Variants in MANBA observed in about 807,000 individuals in gnomAD.
MANBA encodes beta-mannosidase.
A neutral mutation model predicts 111.1 loss-of-function variants in MANBA; 83 were observed. That is an observed-to-expected ratio of 0.75 (90% CI 0.63 to 0.90). The LOEUF (loss-of-function observed/expected upper bound fraction) is 0.90, where lower values mean the gene tolerates loss of function less well. MANBA is among the 40% of genes least tolerant of loss of function. The pLI is 0.00. For missense variants in MANBA, 1,036 were observed against 1,069.0 expected (o/e 0.97, Z 0.43); for synonymous variants, 370 against 378.7 (o/e 0.98, Z 0.27).
chr4:102,666,652 G>A (rs1360033076), intron 10 of MANBA: 1 of 151,924 alleles, frequency 6.6e-6, no homozygotes, highest in Non-Finnish European at 1.5e-5. Context: ...GCTGGCCGGA[G>A]TCCCGCATTA....
chr4:102,703,650 A>G (rs905801372), intron 5 of MANBA, among the ~76,000 whole-genome samples: 3 of 152,200 alleles, frequency 2.0e-5, no homozygotes, highest in African/African-American at 7.2e-5. Flanking sequence ...GACACCACCC[A>G]GACTGGTAAT....
intron 1 of MANBA, chr4:102,730,112 GA>G: frequency 2.6e-6 from 3 of 1,167,140 alleles, no homozygotes; most frequent in Non-Finnish European, 3.6e-6. Context: ...AGTGGCTGCT[GA>G]AGGCCCGGGG....
At chr4:102,738,166 C>T (rs1001861705) in intron 1 of MANBA, among the ~76,000 whole-genome samples, 10 of 152,242 alleles carry the variant, frequency 6.6e-5, no homozygotes, top group Non-Finnish European at 1.5e-5. Flanking sequence ...AAGAACAACC[C>T]TGCTCTAAAG....
At chr4:102,678,564 G>A (rs1003645717) in intron 7 of MANBA, among the ~76,000 whole-genome samples, 10 of 151,858 alleles carry the variant, frequency 6.6e-5, no homozygotes, top group Non-Finnish European at 1.2e-4. Flanking sequence ...GTAGGAAAAA[G>A]GTATAAATAC....
chr4:102,755,151 C>T (rs1723961541), intron 1 of MANBA, among the ~76,000 whole-genome samples: 1 of 152,216 alleles, frequency 6.6e-6, no homozygotes, highest in East Asian at 1.9e-4. Flanking sequence ...CAAAAAAAGC[C>T]CACATTGCCA....
chr4:102,697,810 A>G lies in MANBA; in HGVS notation c.674-7039T>C, dbSNP rs541027886. ...CTTTGCTATTGTGAATAGTGCCACA[A>G]TAAACATACCTGTGCATGTGTCTTT... On this transcript the variant is annotated intron_variant, in intron 5 of 16. Coordinates refer to ENST00000647097, the MANE Select transcript of MANBA (RefSeq NM_005908.4). Among the ~76,000 whole-genome samples the G allele has an allele frequency of 7.9e-4, 121 of 152,212 alleles. 1 individual carries two copies. The highest frequency in any genetic ancestry group is 2.8e-3 in the African/African-American group (118 of 41,500).
chr4:102,679,969 A>G (rs1731889350), intron 7 of MANBA, among the ~76,000 whole-genome samples: 2 of 152,186 alleles, frequency 1.3e-5, no homozygotes, highest in South Asian at 4.1e-4. Context: ...TCTTCTGTAA[A>G]ATCAGAGAAA....
intron 10 of MANBA, chr4:102,667,506 T>G (rs1731279069): frequency 6.6e-6 from 1 of 152,148 alleles, no homozygotes; most frequent in African/African-American, 2.4e-5. Flanking sequence ...AGATAATAGA[T>G]GTACTTTGAA....
At position 102,729,698 on chromosome 4, in the gene MANBA, C is replaced by T. The variant is rs930172881; in HGVS notation, c.178-3015G>A. On this transcript the variant is annotated intron_variant, in intron 1 of 16. Coordinates refer to ENST00000647097, the MANE Select transcript of MANBA (RefSeq NM_005908.4). Reference sequence around the variant, plus strand: ...TGCCAAGCTCCGCCTCCAGCTTCAGCTTCTCCTGGCCCAGAGTCTTCAGCT... The same window carrying T: ...TGCCAAGCTCCGCCTCCAGCTTCAGTTTCTCCTGGCCCAGAGTCTTCAGCT... The T allele has an allele frequency of 1.9e-6, 3 of 1,555,848 alleles. No homozygotes were observed. In the South Asian group the frequency reaches 3.3e-5, roughly 17 times the overall value.
intron 1 of MANBA, among the ~76,000 whole-genome samples, chr4:102,731,391 C>T (rs889370337): frequency 5.9e-5 from 9 of 152,194 alleles, no homozygotes; most frequent in Admixed American, 3.3e-4. Context: ...AACTCCCTTC[C>T]GCTCATTGGA....
chr4:102,635,773 C>G, intron 15 of MANBA, 92 bp downstream of exon 15: 6 of 1,342,284 alleles, frequency 4.5e-6, no homozygotes, highest in Non-Finnish European at 5.3e-6. Flanking sequence ...AAATTAATTT[C>G]TCTTTTATTT....
At chr4:102,752,464 T>C in intron 1 of MANBA, 1 of 769,938 alleles carries the variant, frequency 1.3e-6, no homozygotes, top group East Asian at 2.5e-5. Flanking sequence ...GATTTCAGGA[T>C]CTTTAGATAA....
At chr4:102,715,673 G>C (rs1292912633) in intron 4 of MANBA, among the ~76,000 whole-genome samples, 1 of 151,898 alleles carries the variant, frequency 6.6e-6, no homozygotes, top group Non-Finnish European at 1.5e-5. Flanking sequence ...CAGGCCCCAG[G>C]GTGTGTTGTT....
intron 1 of MANBA, chr4:102,753,641 A>T (rs995056462): frequency 6.5e-6 from 1 of 153,236 alleles, no homozygotes; most frequent in Non-Finnish European, 1.5e-5. Flanking sequence ...CCAAAGACAG[A>T]AACAATCATA....
At chr4:102,726,764 T>A in intron 1 of MANBA, 81 bp from the exon 2 acceptor site, 1 of 775,420 alleles carries the variant, frequency 1.3e-6, no homozygotes, top group South Asian at 1.5e-5. Context: ...AATAAATTAT[T>A]AACAACAGCT....
chr4:102,720,624 G>A (rs1722527429), intron 4 of MANBA, among the ~76,000 whole-genome samples: 1 of 151,916 alleles, frequency 6.6e-6, no homozygotes, highest in African/African-American at 2.4e-5. Flanking sequence ...AAAGGAAGGG[G>A]AGAGGGAAAA....
intron 13 of MANBA, among the ~76,000 whole-genome samples, chr4:102,644,780 A>G (rs569145293): frequency 2.6e-5 from 4 of 152,310 alleles, no homozygotes; most frequent in Admixed American, 6.5e-5. Flanking sequence ...TACAAAAAAG[A>G]TAAGTACGTG....
chr4:102,729,761 G>C (rs1722959205), intron 1 of MANBA: 1 of 1,250,474 alleles, frequency 8.0e-7, no homozygotes, highest in Non-Finnish European at 1.2e-6. Flanking sequence ...GGAACATGTT[G>C]TCCATGTTGC....
intron 1 of MANBA, 91 bp from the exon 2 acceptor site, chr4:102,726,774 T>A: frequency 1.3e-6 from 1 of 743,218 alleles, no homozygotes; most frequent in Admixed American, 2.0e-5. Context: ...TAACAACAGC[T>A]ATTTATCACC....
Sources: gnomAD v4.1 joint callset for allele counts (sites outside exome capture counted in the v4.1 genomes callset) on GRCh38, gnomAD v4.1.1 for gene constraint, MANE v1.5 for transcripts, NCBI Gene and HGNC (gene_info 2026-07-23, HGNC 2026-07-21) for gene names.